NAB1: variants seen among roughly 807,000 people sequenced by gnomAD.
NAB1 encodes the protein NGFI-A binding protein 1.
NAB1 carries 25 observed loss-of-function variants against 49.9 expected under a neutral mutation model. That is an observed-to-expected ratio of 0.50 (90% CI 0.37 to 0.70). The LOEUF (loss-of-function observed/expected upper bound fraction) is 0.70. Ranked by LOEUF, NAB1 falls within the 30% of genes least tolerant of loss-of-function variation. The probability of loss-of-function intolerance (pLI) is 0.00; values close to 1 mark genes in which losing one functional copy is unlikely to be tolerated. For synonymous variants in NAB1, 198 were observed against 215.6 expected (o/e 0.92, Z 0.71); for missense variants, 489 against 575.9 (o/e 0.85, Z 1.54).
chr2:190,659,124 G>C lies in NAB1; in HGVS notation c.-19-34G>C. 7.2e-7 allele frequency: 1 copy of C among 1,387,166 alleles called. No individual in the cohort carries two copies. Among genetic ancestry groups the C allele is most frequent in the Non-Finnish European group, 9.8e-7 (1 of 1,018,648 alleles). The allele number at this position is 1,387,166 out of a possible 1,614,324, so 85.9% of individuals were successfully genotyped here. ...GGTGTAAGGAGTTTGAAGCAAGTAT[G>C]ATGAGTTTTTACTTTTTTTTTTTTT... On this transcript the variant is annotated intron_variant, in intron 3 of 9. Transcript: ENST00000337386. The surrounding 1 kb of genome is among the most constrained non-coding windows in gnomAD (Gnocchi z 6.2).
Position 190,690,983 on chromosome 2 carries a change from T to C in NAB1, c.*650T>C, listed in dbSNP as rs1695915896. On this transcript the variant is annotated 3_prime_UTR_variant, in exon 10 of 10. Transcript: ENST00000337386. ...TGGTTATCAATGCACGTTTACACAATAAATACTTGAGTGGAGGAAAGTTAA... is the reference window on the plus strand; with the variant it reads ...TGGTTATCAATGCACGTTTACACAACAAATACTTGAGTGGAGGAAAGTTAA... The C allele has an allele frequency of 6.6e-6, 1 of 152,590 alleles. No homozygotes were observed. The highest frequency in any genetic ancestry group is 2.4e-5 in the African/African-American group (1 of 41,456). The allele number at this position is 152,590 out of a possible 1,614,324, so 9.5% of individuals were successfully genotyped here. A position where few individuals can be genotyped will look rare whatever the true frequency, so the allele number is the denominator to read the frequency against.
intron 9 of NAB1, among the ~76,000 whole-genome samples, chr2:190,687,568 G>A (rs1695681642): frequency 1.3e-5 from 2 of 152,172 alleles, no homozygotes; most frequent in Admixed American, 1.3e-4. Flanking sequence ...AACCTTTGGT[G>A]TAATGCAAAT....
chr2:190,684,174 T>C lies in NAB1; in HGVS notation c.1095+347T>C, dbSNP rs1487933039. ...ATGCAACTCTGAGATAAAATAATAC[T>C]AGTTCTCAATAAAATATTAATAGTC... On this transcript the variant is annotated intron_variant, in intron 7 of 9. Transcript: ENST00000337386. This position sits in a 1 kb window ranked among gnomAD's most constrained non-coding sequence, Gnocchi z 4.6. Among the ~76,000 whole-genome samples the C allele has an allele frequency of 1.3e-5, 2 of 152,234 alleles. No homozygotes were observed. The highest frequency in any genetic ancestry group is 2.9e-5 in the Non-Finnish European group (2 of 68,042).
chr2:190,681,896 G>T (rs1350033893), intron 6 of NAB1, among the ~76,000 whole-genome samples: 3 of 152,104 alleles, frequency 2.0e-5, no homozygotes, highest in African/African-American at 7.2e-5. Context: ...TGTATTGTAA[G>T]AACTTTGGTT....
Position 190,669,637 on chromosome 2 carries a change from GA to G in NAB1, c.820-683del, listed in dbSNP as rs1694702084. ...CCTATATCTATTGACAAAATTATGTGAAAAAATTTCTAGTTTGTTAAACAAT... is the reference window on the plus strand; with the variant it reads ...CCTATATCTATTGACAAAATTATGTGAAAAATTTCTAGTTTGTTAAACAAT... On this transcript the variant is annotated intron_variant, in intron 4 of 9. Coordinates refer to ENST00000337386, the MANE Select transcript of NAB1 (RefSeq NM_005966.4). The surrounding 1 kb of genome is among the most constrained non-coding windows in gnomAD (Gnocchi z 4.3). 1.3e-5 allele frequency among the ~76,000 whole-genome samples: 2 copies of G among 152,098 alleles called. No homozygotes were observed. The highest frequency in any genetic ancestry group is 2.9e-5 in the Non-Finnish European group (2 of 68,028).
At chr2:190,687,740 A>G (rs144827797) in intron 9 of NAB1, among the ~76,000 whole-genome samples, 1 of 152,296 alleles carries the variant, frequency 6.6e-6, no homozygotes, top group African/African-American at 2.4e-5. Flanking sequence ...ATTCCGAACA[A>G]TGACAGGGAA....
At position 190,685,657 on chromosome 2, in the gene NAB1, C is replaced by G. The variant is rs539075041; in HGVS notation, c.1258+19C>G. On this transcript the variant is annotated intron_variant, in intron 8 of 9. Transcript: ENST00000337386. This position sits in a 1 kb window ranked among gnomAD's most constrained non-coding sequence, Gnocchi z 4.5. ...GGACAAGGTACATCTTTAGAATATC[C>G]TATGCCTTTAGGGCCACTATGTGCA... The G allele has an allele frequency of 2.5e-6, 4 of 1,571,632 alleles. No individual in the cohort carries two copies. Among genetic ancestry groups the G allele is most frequent in the Admixed American group, 1.9e-5 (1 of 52,880 alleles).
Position 190,683,774 on chromosome 2 carries a change from C to T in NAB1, c.1042C>T (p.Leu348Phe). 1 of 1,613,834 alleles carries T rather than the reference C, an allele frequency of 6.2e-7. No homozygotes were observed. Among genetic ancestry groups the T allele is most frequent in the Non-Finnish European group, 8.5e-7 (1 of 1,179,920 alleles). The part of the protein sequence containing the change: ...FPDFQDSVQT[L>F]FQQARAKSEE... ...AGATTTCCAGGATTCTGTGCAAACACTCTTCCAGCAGGCTAGAGCTAAGAG... is the reference window on the plus strand; with the variant it reads ...AGATTTCCAGGATTCTGTGCAAACATTCTTCCAGCAGGCTAGAGCTAAGAG... The change falls in exon 7 of 10, where the codon CTC becomes TTC. Residue 348 changes from leucine (L) to phenylalanine (F), a missense_variant. Around this residue, in one of 4 missense-constraint regions of NAB1, gnomAD observed 212 missense variants for 199.3 expected, o/e 1.06. Coordinates refer to ENST00000337386, the MANE Select transcript of NAB1 (RefSeq NM_005966.4).
Position 190,675,910 on chromosome 2 carries a change from T to G in NAB1, c.1005+2758T>G, listed in dbSNP as rs932362078. ...TACACATGTAGATGGTGTAATCCTT[T>G]GCAAAATATATAGTATTGGTATGAA... On this transcript the variant is annotated intron_variant, in intron 6 of 9. Transcript: ENST00000337386. This position sits in a 1 kb window ranked among gnomAD's most constrained non-coding sequence, Gnocchi z 5.2. 5.3e-5 allele frequency among the ~76,000 whole-genome samples: 8 copies of G among 152,204 alleles called. No individual in the cohort carries two copies. The highest frequency in any genetic ancestry group is 1.9e-4 in the African/African-American group (8 of 41,442).
chr2:190,670,210 AT>A lies in NAB1; in HGVS notation c.820-115del. On this transcript the variant is annotated intron_variant, in intron 4 of 9. Transcript: ENST00000337386. The surrounding 1 kb of genome is among the most constrained non-coding windows in gnomAD (Gnocchi z 5.3). ...AGGAATAAATACCATTCTGATTTTT[AT>A]GAATAATGATTCCATTATATAATGG... 9.9e-7 allele frequency: 1 copy of A among 1,007,388 alleles called. No individual in the cohort carries two copies. The highest frequency in any genetic ancestry group is 1.4e-6 in the Non-Finnish European group (1 of 720,450). 62.4% of individuals were successfully genotyped at this position (1,007,388 alleles called of 1,614,324 possible).
At chr2:190,656,335 T>C (rs972185784) in intron 3 of NAB1, among the ~76,000 whole-genome samples, 182 bp downstream of exon 3, 1 of 152,254 alleles carries the variant, frequency 6.6e-6, no homozygotes, top group African/African-American at 2.4e-5. Context: ...CAGAAAATCT[T>C]GTAAAAGTTT....
chr2:190,679,963 A>T lies in NAB1; in HGVS notation c.1006-3775A>T, dbSNP rs1695251673. On this transcript the variant is annotated intron_variant, in intron 6 of 9. Coordinates refer to ENST00000337386, the MANE Select transcript of NAB1 (RefSeq NM_005966.4). This position sits in a 1 kb window ranked among gnomAD's most constrained non-coding sequence, Gnocchi z 5.3. ...GAGGTCTCACTAGCAAATGAGCTCA[A>T]CCGAATTCATCAGTGTTCTGGCCCC... Among the ~76,000 whole-genome samples the T allele has an allele frequency of 6.6e-6, 1 of 152,182 alleles. No individual in the cohort carries two copies. The highest frequency in any genetic ancestry group is 2.1e-4 in the South Asian group (1 of 4,824).
chr2:190,671,821 G>A (rs1694827141), intron 5 of NAB1, among the ~76,000 whole-genome samples: 1 of 133,194 alleles, frequency 7.5e-6, no homozygotes, highest in Admixed American at 9.3e-5. Flanking sequence ...CTGTCACCAG[G>A]CTGGAGTGCA....
chr2:190,688,911 C>G (rs7571572), intron 9 of NAB1, among the ~76,000 whole-genome samples: 33,480 of 151,482 alleles, frequency 0.22, 3,884 homozygotes, highest in East Asian at 0.3. Context: ...TCAGTCTCGG[C>G]TCACTCCAGC....
intron 5 of NAB1, 143 bp from the exon 6 acceptor site, chr2:190,672,958 A>C (rs1214868920): frequency 1.4e-6 from 1 of 698,428 alleles, no homozygotes; most frequent in Admixed American, 2.9e-5. Context: ...TCATTATTTT[A>C]ATGATCATTA....
intron 5 of NAB1, among the ~76,000 whole-genome samples, chr2:190,672,283 T>G (rs1440790014): frequency 2.0e-5 from 3 of 152,180 alleles, no homozygotes; most frequent in Non-Finnish European, 4.4e-5. Flanking sequence ...ATAAATAACA[T>G]CATACATAAT....
rs911634474 is a variant in NAB1 at position 190,667,804 on chromosome 2, A to C, written c.820-2522A>C. ...ATACTTAGGTGGGAAAAGTAAAACG[A>C]TTAGACTAAATTATGGAACATTTAT... On this transcript the variant is annotated intron_variant, in intron 4 of 9. Coordinates refer to ENST00000337386, the MANE Select transcript of NAB1 (RefSeq NM_005966.4). This position sits in a 1 kb window ranked among gnomAD's most constrained non-coding sequence, Gnocchi z 4.4. Among the ~76,000 whole-genome samples, 1 of 152,156 alleles carries C rather than the reference A, an allele frequency of 6.6e-6. No homozygotes were observed. Among genetic ancestry groups the C allele is most frequent in the Non-Finnish European group, 1.5e-5 (1 of 67,990 alleles).
chr2:190,687,229 T>A lies in NAB1; in HGVS notation c.1287T>A (p.Pro429=). ...AAAGACCTTTGAATCTCCGAATGCC[T>A]AATTTACAGAACAGACAACCCCATC... ...QGERPLNLRM[P]NLQNRQPHHF... is the part of the protein sequence containing the mutation. The change falls in exon 9 of 10, where the codon CCT becomes CCA. Residue 429 remains proline, a synonymous_variant. Transcript: ENST00000337386. 1.3e-6 allele frequency: 2 copies of A among 1,590,834 alleles called. No individual in the cohort carries two copies. The highest frequency in any genetic ancestry group is 1.7e-6 in the Non-Finnish European group (2 of 1,173,622).
rs1201907763 is a variant in NAB1, at chr2:190,675,855, A to C, written c.1005+2703A>C. Among the ~76,000 whole-genome samples, 1 of 152,062 alleles carries C rather than the reference A, an allele frequency of 6.6e-6. No homozygotes were observed. Among genetic ancestry groups the C allele is most frequent in the African/African-American group, 2.4e-5 (1 of 41,392 alleles). ...ATTGCAGGTCATCAGTATCTCTTGA[A>C]CGTGTGTGTGTCTTGTGTGTATGTA... On this transcript the variant is annotated intron_variant, in intron 6 of 9. Coordinates refer to ENST00000337386, the MANE Select transcript of NAB1 (RefSeq NM_005966.4). The surrounding 1 kb of genome is among the most constrained non-coding windows in gnomAD (Gnocchi z 5.2).
Sources: allele counts gnomAD v4.1 joint callset (sites outside exome capture counted in the v4.1 genomes callset), GRCh38; gene constraint gnomAD v4.1.1; regional missense constraint gnomAD v4.1.1; non-coding constraint Gnocchi (gnomAD v3.1); transcripts MANE v1.5; gene names NCBI Gene and HGNC (gene_info 2026-07-23, HGNC 2026-07-21).